ABCC1: variants seen among roughly 807,000 people sequenced by gnomAD.
ABCC1 encodes multidrug resistance-associated protein 1.
A neutral mutation model predicts 172.9 loss-of-function variants in ABCC1; 83 were observed. The ratio of observed to expected loss-of-function variants is 0.48; its 90% CI spans 0.40 to 0.58. ABCC1 has a LOEUF of 0.58. Ranked by LOEUF, ABCC1 falls within the 20% of genes least tolerant of loss-of-function variation. The pLI is 0.00. For synonymous variants in ABCC1, 937 were observed against 825.2 expected, an observed-to-expected ratio of 1.14 and a Z score of -2.32; for missense variants, 1,817 against 2,002.7, an observed-to-expected ratio of 0.91 and a Z score of 1.77.
Position 16,009,769 on chromosome 16 carries a change from C to T in ABCC1, c.226-7C>T. On this transcript the variant is annotated splice_region_variant and splice_polypyrimidine_tract_variant and intron_variant, in intron 2 of 30. Transcript: ENST00000399410. ...TGTTGTAGGATATGTATGTGCTTCT[C>T]TTCCAGGCCTTGGGATTTTTGCTGT... The T allele has an allele frequency of 1.9e-6, 3 of 1,603,182 alleles. No individual in the cohort carries two copies. The highest frequency in any genetic ancestry group is 1.7e-6 in the Non-Finnish European group (2 of 1,174,976).
intron 13 of ABCC1, among the ~76,000 whole-genome samples, chr16:16,069,056 C>T (rs1423003228): frequency 6.7e-6 from 1 of 149,880 alleles, no homozygotes; most frequent in African/African-American, 2.4e-5. Flanking sequence ...GCCTGTAATC[C>T]CAGCACTTTG....
At chr16:16,102,397 A>T (rs908690560) in intron 19 of ABCC1, among the ~76,000 whole-genome samples, 1 of 152,152 alleles carries the variant, frequency 6.6e-6, no homozygotes, top group Non-Finnish European at 1.5e-5. Flanking sequence ...AGCCTTCTGC[A>T]CAGTTGCAAA....
At chr16:16,088,992 A>C (rs1305646336) in intron 18 of ABCC1, among the ~76,000 whole-genome samples, 1 of 152,178 alleles carries the variant, frequency 6.6e-6, no homozygotes, top group East Asian at 1.9e-4. Context: ...TACAGGTGTG[A>C]GCCACCGCAC....
At chr16:15,956,059 C>T (rs890394706) in intron 1 of ABCC1, among the ~76,000 whole-genome samples, 2 of 152,064 alleles carry the variant, frequency 1.3e-5, no homozygotes, top group African/African-American at 2.4e-5. Flanking sequence ...ACTAGTCTGG[C>T]CAACATGGTG....
intron 5 of ABCC1, among the ~76,000 whole-genome samples, chr16:16,030,450 A>G (rs772350902): frequency 6.6e-6 from 1 of 152,114 alleles, no homozygotes; most frequent in Non-Finnish European, 1.5e-5. Flanking sequence ...ACTTGAACCC[A>G]GGAGGCGGAG....
chr16:16,045,512 T>C (rs924556817), intron 8 of ABCC1, among the ~76,000 whole-genome samples: 6 of 151,714 alleles, frequency 4.0e-5, no homozygotes, highest in Admixed American at 3.9e-4. Flanking sequence ...GCTCTGTGAC[T>C]CAGGGGCTAC....
At chr16:15,979,036 T>C (rs1029346992) in intron 1 of ABCC1, among the ~76,000 whole-genome samples, 1 of 152,136 alleles carries the variant, frequency 6.6e-6, no homozygotes, top group African/African-American at 2.4e-5. Context: ...CTCACACCCG[T>C]AGTCCCAGCA....
At chr16:16,115,769 A>G (rs987287760) in intron 23 of ABCC1, among the ~76,000 whole-genome samples, 4 of 152,276 alleles carry the variant, frequency 2.6e-5, no homozygotes, top group Admixed American at 1.3e-4. Context: ...CTCTGTCATA[A>G]TAGAAATTTA....
At chr16:15,981,027 T>C (rs547469231) in intron 1 of ABCC1, among the ~76,000 whole-genome samples, 1 of 152,334 alleles carries the variant, frequency 6.6e-6, no homozygotes, top group East Asian at 1.9e-4. Flanking sequence ...GGGGCAGTCA[T>C]TTCTTAAAGC....
chr16:15,973,168 T>G (rs983708910), intron 1 of ABCC1, among the ~76,000 whole-genome samples: 17 of 152,212 alleles, frequency 1.1e-4, no homozygotes, highest in African/African-American at 4.1e-4. Flanking sequence ...CATATCACTT[T>G]AGAATGTCTT....
intron 18 of ABCC1, among the ~76,000 whole-genome samples, chr16:16,088,068 A>AC (rs1169399399): frequency 3.3e-5 from 5 of 152,174 alleles, no homozygotes; most frequent in Non-Finnish European, 7.4e-5. Context: ...TGCCCATTGT[A>AC]ACAAAATTGA....
At chr16:15,967,442 G>A (rs1240827540) in intron 1 of ABCC1, among the ~76,000 whole-genome samples, 1 of 151,872 alleles carries the variant, frequency 6.6e-6, no homozygotes, top group African/African-American at 2.4e-5. Flanking sequence ...TTTATTTGTA[G>A]TTTAGGTTTA....
chr16:15,974,896 C>T (rs2151554739), intron 1 of ABCC1, among the ~76,000 whole-genome samples: 1 of 152,298 alleles, frequency 6.6e-6, no homozygotes, highest in South Asian at 2.1e-4. Context: ...AAGTGATCCT[C>T]CCATCTCAGC....
At chr16:16,036,148 TAATAAAA>T (rs911956555) in intron 6 of ABCC1, among the ~76,000 whole-genome samples, 23 of 149,946 alleles carry the variant, frequency 1.5e-4, no homozygotes, top group East Asian at 6.0e-4. Flanking sequence ...AATGAACGAA[TAATAAAA>T]AATAAAAAAG....
At chr16:16,008,929 C>CTGT (rs2047661429) in intron 2 of ABCC1, among the ~76,000 whole-genome samples, 1 of 115,038 alleles carries the variant, frequency 8.7e-6, no homozygotes, top group African/African-American at 2.8e-5. Flanking sequence ...TCACTGTTTC[C>CTGT]TGTTTTTTTT....
At chr16:15,972,787 CTTTTTTTT>C (rs35086205) in intron 1 of ABCC1, among the ~76,000 whole-genome samples, 215 of 89,334 alleles carry the variant, frequency 2.4e-3, no homozygotes, top group African/African-American at 8.8e-3. Context: ...TATTTTTTAA[CTTTTTTTT>C]TTTTTTTTTT....
intron 28 of ABCC1, among the ~76,000 whole-genome samples, chr16:16,136,158 G>C (rs1237445639): frequency 6.6e-6 from 1 of 151,940 alleles, no homozygotes; most frequent in African/African-American, 2.4e-5. Context: ...TGAGTAGCTG[G>C]GACTACAGGT....
intron 1 of ABCC1, among the ~76,000 whole-genome samples, chr16:15,952,351 C>T (rs753905049): frequency 2.1e-4 from 32 of 152,062 alleles, no homozygotes; most frequent in Non-Finnish European, 4.1e-4. Flanking sequence ...GTGAGGCACC[C>T]GTGCCTGGCT....
At chr16:16,005,792 T>A (rs1239978918) in intron 1 of ABCC1, among the ~76,000 whole-genome samples, 1 of 152,122 alleles carries the variant, frequency 6.6e-6, no homozygotes, top group Non-Finnish European at 1.5e-5. Context: ...ACCTTGTCTT[T>A]ACTAAAAATT....
Sources: gnomAD v4.1 joint callset for allele counts (sites outside exome capture counted in the v4.1 genomes callset) on GRCh38, gnomAD v4.1.1 for gene constraint, MANE v1.5 for transcripts, NCBI Gene and HGNC (gene_info 2026-07-23, HGNC 2026-07-21) for gene names.